Variants in RAD51B observed in about 807,000 individuals in gnomAD.
The protein encoded by RAD51B is DNA repair protein RAD51 homolog 2.
In RAD51B, 38 loss-of-function variants were observed where a neutral mutation model predicts 42.2. The observed-to-expected ratio is 0.90, with a 90% CI of 0.70 to 1.18. RAD51B has a LOEUF of 1.18. RAD51B is among the 50% of genes most tolerant of loss of function. The pLI is 0.00. For missense variants in RAD51B, 373 were observed against 400.7 expected (o/e 0.93, Z 0.59); for synonymous variants, 154 against 145.2 (o/e 1.06, Z -0.43).
chr14:67,956,918 C>G (rs1402499125), intron 7 of RAD51B, among the ~76,000 whole-genome samples: 6 of 152,200 alleles, frequency 3.9e-5, no homozygotes, highest in African/African-American at 1.4e-4. Flanking sequence ...TAGTGCAGCT[C>G]TAGAGCTATA....
intron 7 of RAD51B, among the ~76,000 whole-genome samples, chr14:68,206,939 G>A (rs960475454): frequency 3.3e-5 from 5 of 151,906 alleles, no homozygotes; most frequent in Non-Finnish European, 5.9e-5. Context: ...ACAGGCGCCC[G>A]CCAACGCGCC....
At chr14:68,632,801 G>A (rs1892258195) in intron 10 of RAD51B, among the ~76,000 whole-genome samples, 1 of 151,798 alleles carries the variant, frequency 6.6e-6, no homozygotes, top group Admixed American at 6.6e-5. Flanking sequence ...TTACAGTCAG[G>A]GCCTTGCTCT....
intron 9 of RAD51B, chr14:68,421,801 C>G (rs2084707559): frequency 1.3e-6 from 2 of 1,599,386 alleles, no homozygotes; most frequent in Admixed American, 1.7e-5. Flanking sequence ...CCTTCTTTCA[C>G]TTTGCCAAAG....
chr14:68,510,531 G>A (rs1316644075), intron 10 of RAD51B, among the ~76,000 whole-genome samples: 2 of 152,188 alleles, frequency 1.3e-5, no homozygotes, highest in East Asian at 1.9e-4. Flanking sequence ...CCTGTTGGGG[G>A]GCTCTGGCTG....
At chr14:68,368,997 C>G (rs1399411390) in intron 8 of RAD51B, among the ~76,000 whole-genome samples, 1 of 152,086 alleles carries the variant, frequency 6.6e-6, no homozygotes, top group Non-Finnish European at 1.5e-5. Flanking sequence ...GGGTTTTCCC[C>G]CATCTGTGTA....
intron 3 of RAD51B, among the ~76,000 whole-genome samples, chr14:67,833,304 A>C (rs2041118933): frequency 6.6e-6 from 1 of 152,172 alleles, no homozygotes; most frequent in African/African-American, 2.4e-5. Context: ...TGAACCCAGG[A>C]AGTGGAGGTT....
chr14:67,958,881 A>G (rs2074602895), intron 7 of RAD51B, among the ~76,000 whole-genome samples: 1 of 152,236 alleles, frequency 6.6e-6, no homozygotes, highest in Non-Finnish European at 1.5e-5. Context: ...TGTTCAAGAT[A>G]CTACTGATAA....
intron 10 of RAD51B, among the ~76,000 whole-genome samples, chr14:68,485,580 AG>A (rs1308228191): frequency 6.6e-6 from 1 of 152,010 alleles, no homozygotes; most frequent in Non-Finnish European, 1.5e-5. Flanking sequence ...GCTTCCATTG[AG>A]GAACCCTGAC....
chr14:68,460,475 C>T (rs1236760904), intron 9 of RAD51B, among the ~76,000 whole-genome samples: 1 of 152,012 alleles, frequency 6.6e-6, no homozygotes, highest in Admixed American at 6.6e-5. Context: ...CAAACAAAAG[C>T]AGCCTCCAGG....
At chr14:68,195,726 G>T (rs1346271109) in intron 7 of RAD51B, among the ~76,000 whole-genome samples, 1 of 150,984 alleles carries the variant, frequency 6.6e-6, no homozygotes, top group Non-Finnish European at 1.5e-5. Context: ...CTGACCAGCA[G>T]GGAGAAAACC....
At chr14:68,026,884 A>C (rs1050201322) in intron 7 of RAD51B, among the ~76,000 whole-genome samples, 17 of 152,046 alleles carry the variant, frequency 1.1e-4, no homozygotes, top group Admixed American at 1.1e-3. Flanking sequence ...CTGTCATCAT[A>C]TTGTTGCCTG....
chr14:67,939,741 T>C (rs1274423027), intron 7 of RAD51B, among the ~76,000 whole-genome samples: 1 of 152,032 alleles, frequency 6.6e-6, no homozygotes, highest in Non-Finnish European at 1.5e-5. Context: ...TTCACATGGC[T>C]GTTCCCATCA....
chr14:68,540,080 G>A, intron 10 of RAD51B: 1 of 596,600 alleles, frequency 1.7e-6, no homozygotes, highest in South Asian at 7.8e-5. Flanking sequence ...AAGCAATAGA[G>A]GGACAGAGAG....
downstream of RAD51B, among the ~76,000 whole-genome samples, chr14:68,479,377 G>A (rs1210818219): frequency 3.9e-5 from 6 of 152,254 alleles, no homozygotes; most frequent in Non-Finnish European, 4.4e-5. Flanking sequence ...CAGGAAGGCC[G>A]TTGTCACCTT....
intron 9 of RAD51B, among the ~76,000 whole-genome samples, chr14:68,465,182 C>G (rs538405513): frequency 2.3e-4 from 35 of 152,280 alleles, no homozygotes; most frequent in African/African-American, 8.2e-4. Flanking sequence ...GGTTTCATGT[C>G]TAGTTGCTAC....
At chr14:68,531,980 A>G (rs1443783318) in intron 10 of RAD51B, among the ~76,000 whole-genome samples, 1 of 152,204 alleles carries the variant, frequency 6.6e-6, no homozygotes, top group Non-Finnish European at 1.5e-5. Context: ...GAGAGACCCT[A>G]TCTCAAAAAC....
chr14:68,207,749 C>A (rs937930246), intron 7 of RAD51B, among the ~76,000 whole-genome samples: 1 of 152,034 alleles, frequency 6.6e-6, no homozygotes, highest in East Asian at 1.9e-4. Flanking sequence ...TCCAATACTG[C>A]AGAATAGTCA....
chr14:68,654,511 A>G (rs1196873901), intron 11 of RAD51B, among the ~76,000 whole-genome samples: 7 of 152,206 alleles, frequency 4.6e-5, no homozygotes, highest in Non-Finnish European at 1.5e-5. Flanking sequence ...TGGCAGGCAG[A>G]TGGCCCTGAG....
chr14:68,456,081 G>A (rs988046372), intron 9 of RAD51B, among the ~76,000 whole-genome samples: 7 of 152,060 alleles, frequency 4.6e-5, no homozygotes, highest in Non-Finnish European at 8.8e-5. Context: ...CATAGTGGAA[G>A]AAACAACAAG....
Sources: allele counts gnomAD v4.1 joint callset (sites outside exome capture counted in the v4.1 genomes callset), GRCh38; gene constraint gnomAD v4.1.1; transcripts MANE v1.5; gene names NCBI Gene and HGNC (gene_info 2026-07-23, HGNC 2026-07-21).